The following XRCC4 variants were observed in gnomAD, a reference collection of about 807,000 sequenced individuals.
XRCC4 encodes DNA repair protein XRCC4.
A neutral mutation model predicts 39.1 loss-of-function variants in XRCC4; 28 were observed. That is an observed-to-expected ratio of 0.72 (90% CI 0.53 to 0.98). XRCC4 has a LOEUF of 0.98. Among genes scored for constraint, XRCC4 ranks in the 50% least tolerant of loss-of-function variants. XRCC4 has a pLI of 0.00. For missense variants in XRCC4, 350 were observed against 376.4 expected (o/e 0.93, Z 0.58); for synonymous variants, 123 against 126.4 (o/e 0.97, Z 0.18).
intron 1 of XRCC4, among the ~76,000 whole-genome samples, chr5:83,097,472 G>A (rs1251041691): frequency 5.3e-5 from 8 of 151,616 alleles, no homozygotes; most frequent in Admixed American, 5.3e-4. Context: ...TGAGTGGGGG[G>A]AAAAAAGTAC....
intron 6 of XRCC4, among the ~76,000 whole-genome samples, chr5:83,225,224 AGTAC>A (rs1752241524): frequency 6.6e-6 from 1 of 152,156 alleles, no homozygotes. Context: ...TTGTCTGGTC[AGTAC>A]CTGGAGACCA....
chr5:83,355,422 T>C (rs184333602), downstream of XRCC4, among the ~76,000 whole-genome samples: 1 of 152,250 alleles, frequency 6.6e-6, no homozygotes, highest in East Asian at 1.9e-4. Flanking sequence ...AAGAGCAAGG[T>C]TCATAGAAGC....
chr5:83,294,459 A>G (rs192296425), intron 7 of XRCC4, among the ~76,000 whole-genome samples: 32 of 152,194 alleles, frequency 2.1e-4, no homozygotes, highest in African/African-American at 6.5e-4. Flanking sequence ...ATGTGCTCCA[A>G]TTACTCATGA....
chr5:83,164,138 T>C (rs755420539), intron 3 of XRCC4, among the ~76,000 whole-genome samples: 2 of 152,180 alleles, frequency 1.3e-5, no homozygotes, highest in Admixed American at 1.3e-4. Context: ...AAGTCTTCTC[T>C]ACCCTCATGA....
chr5:83,326,455 T>A (rs557432061), intron 7 of XRCC4, among the ~76,000 whole-genome samples: 1 of 152,212 alleles, frequency 6.6e-6, no homozygotes, highest in South Asian at 2.1e-4. Flanking sequence ...GTTTGTAACA[T>A]GATGTCCCTA....
chr5:83,344,028 A>G (rs1424470746), intron 7 of XRCC4, among the ~76,000 whole-genome samples: 1 of 152,012 alleles, frequency 6.6e-6, no homozygotes, highest in Non-Finnish European at 1.5e-5. Flanking sequence ...GAATATTGTC[A>G]TGGAAGAGAA....
chr5:83,129,003 G>T (rs1248032096), intron 3 of XRCC4, among the ~76,000 whole-genome samples: 1 of 152,050 alleles, frequency 6.6e-6, no homozygotes, highest in Admixed American at 6.6e-5. Flanking sequence ...GTCAATTTTG[G>T]CTTTTGTTGC....
chr5:83,264,772 G>A lies in XRCC4; in HGVS notation c.893+6095G>A, dbSNP rs948796185. On this transcript the variant is annotated intron_variant, in intron 7 of 7. Transcript: ENST00000396027. ...TTTAGCAATCAATATGGTGTAATATGGGAGGAAAATAATATCTTTGGAAGA... is the reference window on the plus strand; with the variant it reads ...TTTAGCAATCAATATGGTGTAATATAGGAGGAAAATAATATCTTTGGAAGA... Among the ~76,000 whole-genome samples the A allele has an allele frequency of 3.3e-5, 5 of 152,022 alleles. No individual in the cohort carries two copies. In the East Asian group the frequency reaches 9.6e-4, roughly 29 times the overall value.
At chr5:83,163,301 A>G (rs993284491) in intron 3 of XRCC4, among the ~76,000 whole-genome samples, 1 of 152,158 alleles carries the variant, frequency 6.6e-6, no homozygotes, top group African/African-American at 2.4e-5. Flanking sequence ...AGTCTGCAAA[A>G]AATATAATTC....
intron 6 of XRCC4, among the ~76,000 whole-genome samples, chr5:83,235,295 A>C (rs1019919092): frequency 6.8e-6 from 1 of 147,082 alleles, no homozygotes; most frequent in Non-Finnish European, 1.5e-5. Flanking sequence ...AGATGGCACC[A>C]CTATACTCCA....
intron 3 of XRCC4, among the ~76,000 whole-genome samples, chr5:83,149,168 T>G (rs1748595143): frequency 6.6e-6 from 1 of 152,202 alleles, no homozygotes; most frequent in South Asian, 2.1e-4. Context: ...ACGCATAGAT[T>G]TGGATCAATC....
In XRCC4 at chr5:83,195,807, A is replaced by T. The variant is rs550178738; in HGVS notation, c.353A>T (p.Asn118Ile). Residue 118 changes from asparagine to isoleucine, a missense_variant, in exon 4 of 8, where the codon AAC becomes ATC. Coordinates refer to ENST00000396027, the MANE Select transcript of XRCC4 (RefSeq NM_003401.5). ...LGSFNLEKVE[N>I]PAEVIRELIC... The stretch of plus-strand genomic sequence containing the variant: ...TCCTTCAACCTAGAGAAAGTTGAAA[A>T]CCCAGCTGAAGTCATTAGAGAACTT... 7.3e-5 allele frequency: 117 copies of T among 1,607,990 alleles called. No individual in the cohort carries two copies. Among genetic ancestry groups the T allele is most frequent in the Non-Finnish European group, 9.7e-5 (114 of 1,176,780 alleles).
chr5:83,263,474 G>T lies in XRCC4; in HGVS notation c.893+4797G>T, dbSNP rs1214818902. 9.4e-3 allele frequency among the ~76,000 whole-genome samples: 1,418 copies of T among 150,232 alleles called. 4 individuals carry two copies. Among genetic ancestry groups the T allele is most frequent in the Non-Finnish European group, 0.016 (1,043 of 66,870 alleles). ...ACAGTCCCACCAACAGTGTAAAAGT[G>T]TTCCTATTTCTCCACATCCTCTCCA... On this transcript the variant is annotated intron_variant, in intron 7 of 7. Transcript: ENST00000396027.
chr5:83,142,017 T>TC (rs1167298126), intron 3 of XRCC4, among the ~76,000 whole-genome samples: 1 of 152,234 alleles, frequency 6.6e-6, no homozygotes, highest in Non-Finnish European at 1.5e-5. Context: ...CTATCAGTTT[T>TC]CAGTTACCTT....
At chr5:83,085,815 C>T (rs1349455932) in intron 1 of XRCC4, among the ~76,000 whole-genome samples, 1 of 152,106 alleles carries the variant, frequency 6.6e-6, no homozygotes, top group Non-Finnish European at 1.5e-5. Context: ...GGAATATGAC[C>T]TTGTTGTCAT....
intron 6 of XRCC4, among the ~76,000 whole-genome samples, chr5:83,220,615 C>T (rs1561413349): frequency 6.6e-6 from 1 of 152,092 alleles, no homozygotes; most frequent in East Asian, 1.9e-4. Context: ...TGAAACAGAA[C>T]AGTTACAAGT....
chr5:83,195,779 G>T lies in XRCC4; in HGVS notation c.325G>T (p.Gly109Cys). 2 of 1,581,596 alleles carry T rather than the reference G, an allele frequency of 1.3e-6. No individual in the cohort carries two copies. The highest frequency in any genetic ancestry group is 1.2e-5 in the South Asian group (1 of 84,470). The change falls in exon 4 of 8, where the codon GGT becomes TGT. Residue 109 changes from glycine (G) to cysteine (C), a missense_variant. Gly to Cys is a radical substitution (Grantham distance 159, BLOSUM62 -3). Coordinates refer to ENST00000396027, the MANE Select transcript of XRCC4 (RefSeq NM_003401.5). ...TTTTCTTTCATTTTAGTTCAGACTTGGTTCCTTCAACCTAGAGAAAGTTGA... is the reference window on the plus strand; with the variant it reads ...TTTTCTTTCATTTTAGTTCAGACTTTGTTCCTTCAACCTAGAGAAAGTTGA... Reference protein sequence around the residue: ...KNLKDVSFRLGSFNLEKVENP... With the variant: ...KNLKDVSFRLCSFNLEKVENP...
intron 1 of XRCC4, among the ~76,000 whole-genome samples, chr5:83,078,177 A>G (rs1359004173): frequency 6.6e-6 from 1 of 152,268 alleles, no homozygotes; most frequent in Non-Finnish European, 1.5e-5. Flanking sequence ...TGACAAGGCA[A>G]CTTTTAATCA....
chr5:83,134,646 G>A (rs1055634185), intron 3 of XRCC4, among the ~76,000 whole-genome samples: 7 of 152,166 alleles, frequency 4.6e-5, no homozygotes, highest in Admixed American at 6.5e-5. Flanking sequence ...GGCCAGATAA[G>A]GGAATAAACG....
Sources: allele counts gnomAD v4.1 joint callset (sites outside exome capture counted in the v4.1 genomes callset), GRCh38; gene constraint gnomAD v4.1.1; transcripts MANE v1.5; gene names NCBI Gene and HGNC (gene_info 2026-07-23, HGNC 2026-07-21).